BRSK2: variants seen among roughly 807,000 people sequenced by gnomAD.
BRSK2 encodes the protein BR serine/threonine kinase 2.
In BRSK2, 19 loss-of-function variants were observed where a neutral mutation model predicts 83.3. The observed-to-expected ratio is 0.23, with a 90% CI of 0.16 to 0.33. BRSK2 has a LOEUF of 0.33. Ranked by LOEUF, BRSK2 falls within the 10% of genes least tolerant of loss-of-function variation. The probability of loss-of-function intolerance (pLI) is 1.00; values close to 1 mark genes in which losing one functional copy is unlikely to be tolerated. For synonymous variants in BRSK2, 519 were observed against 435.4 expected (o/e 1.19, Z -2.39); for missense variants, 798 against 1,042.3 (o/e 0.77, Z 3.23).
At chr11:1,446,091 A>AGCTGG (rs915905837) in intron 12 of BRSK2, among the ~76,000 whole-genome samples, 184 bp downstream of exon 12, 11 of 89,520 alleles carry the variant, frequency 1.2e-4, no homozygotes, top group South Asian at 4.6e-4. Flanking sequence ...GGCTGGGCTT[A>AGCTGG]GCTGGGCTGG....
rs1168218918 is a variant in BRSK2, at chr11:1,444,964, C to T, written c.781-7C>T. The T allele has an allele frequency of 2.5e-6, 4 of 1,612,662 alleles. No homozygotes were observed. Among genetic ancestry groups the T allele is most frequent in the Non-Finnish European group, 3.4e-6 (4 of 1,178,824 alleles). On this transcript the variant is annotated splice_polypyrimidine_tract_variant and splice_region_variant and intron_variant, in intron 8 of 19. Transcript: ENST00000528841. ...CGTACTAACTCCCTGTTTCTCTTTC[C>T]TTGTAGCTAGAGCACATTCAGAAAC...
At position 1,461,918 on chromosome 11, in the gene BRSK2, G is replaced by C. The variant is rs1365119513; in HGVS notation, c.*1195G>C. The C allele has an allele frequency of 6.6e-6, 1 of 151,966 alleles. No homozygotes were observed. 9.4% of individuals were successfully genotyped at this position (151,966 alleles called of 1,614,324 possible). On this transcript the variant is annotated 3_prime_UTR_variant, in exon 20 of 20. Coordinates refer to ENST00000528841, the MANE Select transcript of BRSK2 (RefSeq NM_001256627.2). Reference sequence around the variant, plus strand: ...CTGTGGAGAAGCAGCTCCACCTCTGGGGGGGCTCGGGGCAGAGGGGCGGTG... The same window carrying C: ...CTGTGGAGAAGCAGCTCCACCTCTGCGGGGGCTCGGGGCAGAGGGGCGGTG...
At chr11:1,445,098 G>T in intron 9 of BRSK2, 96 bp downstream of exon 9, 1 of 1,538,086 alleles carries the variant, frequency 6.5e-7, no homozygotes, top group African/African-American at 1.4e-5. Context: ...CCGGCCCAGC[G>T]CAGGTCCTGC....
intron 1 of BRSK2, among the ~76,000 whole-genome samples, chr11:1,433,401 G>C (rs929595557): frequency 1.3e-5 from 2 of 152,266 alleles, no homozygotes; most frequent in Non-Finnish European, 2.9e-5. Context: ...GCCTCATGCT[G>C]GGCATTTCTG....
At position 1,390,228 on chromosome 11, in the gene BRSK2, C is replaced by A. The variant is rs1239035286; in HGVS notation, c.-57C>A. 2 of 912,524 alleles carry A rather than the reference C, an allele frequency of 2.2e-6. No individual in the cohort carries two copies. Among genetic ancestry groups the A allele is most frequent in the Non-Finnish European group, 1.3e-6 (1 of 762,420 alleles). The allele number at this position is 912,524 out of a possible 1,614,324, so 56.5% of individuals were successfully genotyped here. On this transcript the variant is annotated 5_prime_UTR_variant, in exon 1 of 20. Coordinates refer to ENST00000528841, the MANE Select transcript of BRSK2 (RefSeq NM_001256627.2). The surrounding 1 kb of genome is among the most constrained non-coding windows in gnomAD (Gnocchi z 6.8). Reference sequence around the variant, plus strand: ...TCGGCGGACGCGGGCGGACGCTGGGCGGCCCCTCCCTGCCCGCGCGCCCGG... The same window carrying A: ...TCGGCGGACGCGGGCGGACGCTGGGAGGCCCCTCCCTGCCCGCGCGCCCGG...
At chr11:1,405,990 G>C (rs746774752) in intron 1 of BRSK2, among the ~76,000 whole-genome samples, 3 of 151,984 alleles carry the variant, frequency 2.0e-5, no homozygotes, top group Non-Finnish European at 2.9e-5. Flanking sequence ...GCCCCCACAG[G>C]CTCCTAAACC....
At chr11:1,400,762 C>CCCTGCGG (rs1284560317) in intron 1 of BRSK2, among the ~76,000 whole-genome samples, 2 of 152,210 alleles carry the variant, frequency 1.3e-5, no homozygotes, top group African/African-American at 4.8e-5. Context: ...TCTGCCTGGG[C>CCCTGCGG]CCTGCGGCCA....
chr11:1,460,626 C>A lies in BRSK2; in HGVS notation c.2114C>A (p.Ala705Glu). 6.5e-7 allele frequency: 1 copy of A among 1,530,694 alleles called. No homozygotes were observed. The highest frequency in any genetic ancestry group is 8.7e-7 in the Non-Finnish European group (1 of 1,143,710). 94.8% of individuals were successfully genotyped at this position (1,530,694 alleles called of 1,614,324 possible). A position where few individuals can be genotyped will look rare whatever the true frequency, so the allele number is the denominator to read the frequency against. The change falls in exon 20 of 20, where the codon GCG becomes GAG. Residue 705 changes from alanine (A) to glutamate (E), a missense_variant. Around this residue, in one of 6 missense-constraint regions of BRSK2, gnomAD observed 455 missense variants for 455.2 expected, o/e 1.00. Coordinates refer to ENST00000528841, the MANE Select transcript of BRSK2 (RefSeq NM_001256627.2). ...RSAHGPLGDS[A>E]AAGPGPGGDA... Reference sequence around the variant, plus strand: ...GCCCACGGCCCACTCGGTGACTCCGCGGCCGCTGGCCCTGGCCCCGGAGGG... The same window carrying A: ...GCCCACGGCCCACTCGGTGACTCCGAGGCCGCTGGCCCTGGCCCCGGAGGG...
In BRSK2 at chr11:1,460,733, C is replaced by CCT; in HGVS notation, c.*11_*12insTC. On this transcript the variant is annotated 3_prime_UTR_variant, in exon 20 of 20. Transcript: ENST00000528841. ...CCGCGAGCAGCCTTAGACACACTAG[C>CCT]CCCCCCCCCCAGCACAGCACTGACA... The CCT allele has an allele frequency of 9.7e-6, 1 of 103,394 alleles. No individual in the cohort carries two copies. The highest frequency in any genetic ancestry group is 1.3e-5 in the Non-Finnish European group (1 of 77,824). The allele number at this position is 103,394 out of a possible 1,614,324, so 6.4% of individuals were successfully genotyped here.
At chr11:1,441,187 C>A (rs909875375) in intron 4 of BRSK2, among the ~76,000 whole-genome samples, 2 of 103,584 alleles carry the variant, frequency 1.9e-5, no homozygotes, top group Admixed American at 9.3e-5. Flanking sequence ...ACCGTCCCCC[C>A]ATAGCGGCCC....
At chr11:1,451,300 C>T in intron 14 of BRSK2, 71 bp from the exon 15 acceptor site, 1 of 1,580,004 alleles carries the variant, frequency 6.3e-7, no homozygotes, top group Non-Finnish European at 8.7e-7. Context: ...GACCTCGGCG[C>T]AAGGTGGCCA....
chr11:1,434,639 C>A (rs1295623553), intron 1 of BRSK2, among the ~76,000 whole-genome samples: 1 of 147,398 alleles, frequency 6.8e-6, no homozygotes, highest in Non-Finnish European at 1.5e-5. Flanking sequence ...TCTGGGGGCA[C>A]CCAGGAGTGG....
chr11:1,400,657 CGGG>C (rs143837899), intron 1 of BRSK2, among the ~76,000 whole-genome samples: 1 of 152,006 alleles, frequency 6.6e-6, no homozygotes, highest in African/African-American at 2.4e-5. Flanking sequence ...CAGGTGGTCT[CGGG>C]GGGCAGATGC....
rs546689205 is a variant in BRSK2 at position 1,423,963 on chromosome 11, G to A, written c.92-12077G>A. 6.6e-6 allele frequency among the ~76,000 whole-genome samples: 1 copy of A among 152,104 alleles called. No homozygotes were observed. Among genetic ancestry groups the A allele is most frequent in the African/African-American group, 2.4e-5 (1 of 41,446 alleles). On this transcript the variant is annotated intron_variant, in intron 1 of 19. Coordinates refer to ENST00000528841, the MANE Select transcript of BRSK2 (RefSeq NM_001256627.2). This position sits in a 1 kb window ranked among gnomAD's most constrained non-coding sequence, Gnocchi z 6.5. ...GCCACACTTTCCTCGGCCTTTCTCT[G>A]ATAGGAAGGCTGGTAGTTGGGTTTA...
At chr11:1,442,983 G>A in intron 5 of BRSK2, 123 bp from the exon 6 acceptor site, 4 of 1,144,314 alleles carry the variant, frequency 3.5e-6, no homozygotes, top group South Asian at 1.6e-5. Flanking sequence ...TGCAGGGAAT[G>A]TGGGGGCGTC....
chr11:1,456,211 G>GC (rs1846514397), intron 16 of BRSK2, 137 bp from the exon 17 acceptor site: 1 of 908,266 alleles, frequency 1.1e-6, no homozygotes, highest in Non-Finnish European at 1.6e-6. Flanking sequence ...ACCGCACTGT[G>GC]CCCCTCACGG....
At chr11:1,455,029 C>T (rs1846310966) in intron 16 of BRSK2, among the ~76,000 whole-genome samples, 1 of 152,144 alleles carries the variant, frequency 6.6e-6, no homozygotes, top group African/African-American at 2.4e-5. Flanking sequence ...CCTCAGTGGA[C>T]AGCCCCAGCC....
At chr11:1,412,466 T>C (rs1973846) in intron 1 of BRSK2, among the ~76,000 whole-genome samples, 3,793 of 17,726 alleles carry the variant, frequency 0.21, 932 homozygotes, top group Middle Eastern at 0.43. Flanking sequence ...CCCCGTCCTG[T>C]GGTGGGTGGA....
At chr11:1,396,301 C>T (rs1176271059) in intron 1 of BRSK2, among the ~76,000 whole-genome samples, 2 of 151,792 alleles carry the variant, frequency 1.3e-5, no homozygotes, top group Non-Finnish European at 2.9e-5. Context: ...TCCCTCTTCC[C>T]TTACAGCCGC....
Sources: allele counts gnomAD v4.1 joint callset (sites outside exome capture counted in the v4.1 genomes callset), GRCh38; gene constraint gnomAD v4.1.1; regional missense constraint gnomAD v4.1.1; non-coding constraint Gnocchi (gnomAD v3.1); transcripts MANE v1.5; gene names NCBI Gene and HGNC (gene_info 2026-07-23, HGNC 2026-07-21).